The following PHIP variants were observed in gnomAD, a reference collection of about 807,000 sequenced individuals.
PHIP encodes PHIP subunit of CUL4-Ring ligase complex, also known as PH-interacting protein.
A neutral mutation model predicts 236.8 loss-of-function variants in PHIP; 54 were observed. The ratio of observed to expected loss-of-function variants is 0.23; its 90% CI spans 0.18 to 0.29. PHIP has a LOEUF of 0.29. PHIP is among the 10% of genes least tolerant of loss of function. The probability of loss-of-function intolerance (pLI) is 1.00; values close to 1 mark genes in which losing one functional copy is unlikely to be tolerated. For synonymous variants in PHIP, 756 were observed against 718.9 expected (o/e 1.05, Z -0.83); for missense variants, 1,370 against 2,190.8 (o/e 0.63, Z 7.48).
At chr6:78,949,528 T>G (rs1426491700) in intron 35 of PHIP, among the ~76,000 whole-genome samples, 2 of 152,060 alleles carry the variant, frequency 1.3e-5, no homozygotes, top group African/African-American at 4.8e-5. Flanking sequence ...AATAAGCTGT[T>G]AACTGTGACC....
chr6:79,038,802 T>C (rs1350638279), intron 7 of PHIP, among the ~76,000 whole-genome samples: 1 of 152,214 alleles, frequency 6.6e-6, no homozygotes, highest in Non-Finnish European at 1.5e-5. Context: ...TGGGCATTTC[T>C]ACTTGACTTT....
In PHIP at chr6:79,054,745, T is replaced by C. The variant is rs116873874; in HGVS notation, c.439+5733A>G. Among the ~76,000 whole-genome samples the C allele has an allele frequency of 5.5e-3, 837 of 151,698 alleles. 7 individuals are homozygous for C. The highest frequency in any genetic ancestry group is 8.7e-3 in the Admixed American group (132 of 15,246). On this transcript the variant is annotated intron_variant, in intron 6 of 39. Coordinates refer to ENST00000275034, the MANE Select transcript of PHIP (RefSeq NM_017934.7). ...AGAGTCTAAGAAAAAAAAACCTTGA[T>C]TGAATAAATTTAAGAAATTACCAGC...
At position 79,017,568 on chromosome 6, in the gene PHIP, G is replaced by A. The variant is rs760846343; in HGVS notation, c.1010C>T (p.Ala337Val). The A allele has an allele frequency of 1.3e-5, 21 of 1,610,290 alleles. No individual in the cohort carries two copies. Among genetic ancestry groups the A allele is most frequent in the East Asian group, 2.2e-5 (1 of 44,748 alleles). ...SSFSAGGMFL[A>V]TGSTDHIIRV... ...AATAATATGATCTGTGCTTCCCGTC[G>A]CCAGAAACATTCCACCTATGAAGAA... Residue 337 changes from alanine (A) to valine (V), a missense_variant, in exon 11 of 40, where the codon GCG becomes GTG. By Grantham distance (64) the Ala-to-Val change is moderately conservative (BLOSUM62 0). This residue lies in a region of PHIP where 188 missense variants were observed against 354.3 expected (regional missense o/e 0.53). Transcript: ENST00000275034.
chr6:79,036,858 T>C (rs1445610327), intron 7 of PHIP, among the ~76,000 whole-genome samples: 1 of 143,936 alleles, frequency 6.9e-6, no homozygotes, highest in African/African-American at 2.6e-5. Flanking sequence ...GAGGTGGAGC[T>C]TGCAAGTGAG....
rs986404792 is a variant in PHIP, at chr6:78,957,590, A to C, written c.3782+885T>G. 4.6e-5 allele frequency: 7 copies of C among 151,970 alleles called. No homozygotes were observed. In the East Asian group the frequency reaches 9.6e-4, roughly 21 times the overall value. The allele number at this position is 151,970 out of a possible 1,614,324, so 9.4% of individuals were successfully genotyped here. On this transcript the variant is annotated intron_variant, in intron 32 of 39. Transcript: ENST00000275034. The stretch of plus-strand genomic sequence containing the variant: ...GCAGGGATGTTTATTAAAAAAAAAA[A>C]AAAAACTGAATAATCCTGAATTTTT...
intron 9 of PHIP, among the ~76,000 whole-genome samples, chr6:79,024,707 A>G (rs1771301980): frequency 6.6e-6 from 1 of 152,176 alleles, no homozygotes; most frequent in South Asian, 2.1e-4. Context: ...CGGGAGGCTG[A>G]GGCAGGAGAA....
At chr6:79,001,000 T>C (rs1392982415) in intron 17 of PHIP, among the ~76,000 whole-genome samples, 1 of 152,048 alleles carries the variant, frequency 6.6e-6, no homozygotes, top group Admixed American at 6.6e-5. Flanking sequence ...AAGATGCACG[T>C]TTGAGGTTGA....
At chr6:79,039,493 A>C (rs1772105438) in intron 7 of PHIP, among the ~76,000 whole-genome samples, 1 of 152,124 alleles carries the variant, frequency 6.6e-6, no homozygotes, top group Non-Finnish European at 1.5e-5. Context: ...CCTTCTGTCA[A>C]GGTTTTATCA....
Position 79,030,162 on chromosome 6 carries a change from C to G in PHIP, c.601-3998G>C, listed in dbSNP as rs528420155. ...CAGCAAAAACAAAACAAAACAAAAT[C>G]TGAGGATTAAAAGTGAGAGGGAGAG... On this transcript the variant is annotated intron_variant, in intron 7 of 39. Coordinates refer to ENST00000275034, the MANE Select transcript of PHIP (RefSeq NM_017934.7). Among the ~76,000 whole-genome samples, 3 of 152,006 alleles carry G rather than the reference C, an allele frequency of 2.0e-5. No homozygotes were observed. In the East Asian group the frequency reaches 5.8e-4, roughly 29 times the overall value.
chr6:78,987,873 TA>T (rs1768966454), intron 21 of PHIP, among the ~76,000 whole-genome samples: 1 of 152,170 alleles, frequency 6.6e-6, no homozygotes, highest in Non-Finnish European at 1.5e-5. Context: ...TGGTACCACT[TA>T]AAAAGCTTGG....
At chr6:78,955,424 G>T in intron 33 of PHIP, 142 bp from the exon 34 acceptor site, 1 of 629,806 alleles carries the variant, frequency 1.6e-6, no homozygotes, top group Non-Finnish European at 2.6e-6. Context: ...TCATTAAAAA[G>T]GTTCCCCCCA....
At chr6:78,945,978 T>G (rs1773790041) in intron 38 of PHIP, 23 bp downstream of exon 38, 4 of 1,555,806 alleles carry the variant, frequency 2.6e-6, no homozygotes, top group Non-Finnish European at 3.5e-6. Context: ...CATATACATT[T>G]CAATTTAGAA....
At chr6:78,941,398 G>A in intron 39 of PHIP, 68 bp from the exon 40 acceptor site, 2 of 1,095,496 alleles carry the variant, frequency 1.8e-6, no homozygotes, top group Admixed American at 2.3e-5. Flanking sequence ...AAACTTGTCA[G>A]TAAGGCCCCA....
intron 5 of PHIP, 23 bp from the exon 6 acceptor site, chr6:79,060,599 T>C (rs1168487072): frequency 5.0e-6 from 8 of 1,610,290 alleles, no homozygotes; most frequent in Non-Finnish European, 6.8e-6. Context: ...TGTATTTTTA[T>C]GCATACAAAG....
At chr6:79,031,970 A>G (rs1043101825) in intron 7 of PHIP, among the ~76,000 whole-genome samples, 4 of 152,238 alleles carry the variant, frequency 2.6e-5, no homozygotes, top group African/African-American at 9.6e-5. Context: ...CCGCAGGCTC[A>G]GTTCCAGACC....
intron 33 of PHIP, 27 bp downstream of exon 33, chr6:78,955,586 T>G (rs371231167): frequency 1.4e-6 from 1 of 736,932 alleles, no homozygotes; most frequent in African/African-American, 1.8e-5. Context: ...AATATCAATA[T>G]GGTAATAATA....
chr6:78,959,229 A>C (rs1766610634), intron 31 of PHIP, among the ~76,000 whole-genome samples: 3 of 152,176 alleles, frequency 2.0e-5, no homozygotes, highest in Admixed American at 6.6e-5. Context: ...ACTTTTGAGA[A>C]TATTATCTAA....
intron 7 of PHIP, among the ~76,000 whole-genome samples, chr6:79,026,899 C>T (rs1458386962): frequency 6.6e-6 from 1 of 151,030 alleles, no homozygotes; most frequent in Non-Finnish European, 1.5e-5. Flanking sequence ...ATCGTTAATC[C>T]CCATATATCT....
intron 4 of PHIP, 58 bp from the exon 5 acceptor site, chr6:79,060,876 C>A: frequency 4.2e-6 from 5 of 1,181,122 alleles, no homozygotes; most frequent in Non-Finnish European, 5.9e-6. Context: ...TTTTCAAAAT[C>A]TTTGAGCAAC....
Sources: allele counts gnomAD v4.1 joint callset (sites outside exome capture counted in the v4.1 genomes callset), GRCh38; gene constraint gnomAD v4.1.1; regional missense constraint gnomAD v4.1.1; transcripts MANE v1.5; gene names NCBI Gene and HGNC (gene_info 2026-07-23, HGNC 2026-07-21).